The following GFRAL variants were observed in gnomAD, a reference collection of about 807,000 sequenced individuals.
GFRAL encodes GDNF family receptor alpha-like.
Under a neutral mutation model 45.4 loss-of-function variants are expected in GFRAL, and 36 were observed. That is an observed-to-expected ratio of 0.79 (90% confidence interval 0.61 to 1.05). GFRAL has a LOEUF of 1.05. Among genes scored for constraint, GFRAL ranks in the 50% least tolerant of loss-of-function variants. The pLI, the probability that GFRAL is intolerant of heterozygous loss-of-function variation, is 0.00. For synonymous variants in GFRAL, 166 were observed against 154.1 expected (o/e 1.08, Z -0.57); for missense variants, 507 against 467.5 (o/e 1.08, Z -0.78).
chr6:55,368,837 C>T (rs1232050097), intron 6 of GFRAL, among the ~76,000 whole-genome samples: 1 of 152,194 alleles, frequency 6.6e-6, no homozygotes, highest in Non-Finnish European at 1.5e-5. Flanking sequence ...AACCACTGCT[C>T]TCTTCAAAGC....
At chr6:55,365,858 T>A (rs9475265) in intron 6 of GFRAL, among the ~76,000 whole-genome samples, 98,786 of 139,344 alleles carry the variant, frequency 0.71, 35,992 homozygotes, top group African/African-American at 0.87. Context: ...TTTATTGAGG[T>A]TTTTTGCATC....
At chr6:55,357,602 T>C (rs975749456) in intron 5 of GFRAL, among the ~76,000 whole-genome samples, 1 of 151,792 alleles carries the variant, frequency 6.6e-6, no homozygotes, top group African/African-American at 2.4e-5. Flanking sequence ...ATTGGCTCGT[T>C]TTATTTTTAA....
At position 55,399,230 on chromosome 6, in the gene GFRAL, C is replaced by T. The variant is rs1041125911; in HGVS notation, c.1003C>T (p.His335Tyr). 3.7e-6 allele frequency: 6 copies of T among 1,607,598 alleles called. No individual in the cohort carries two copies. Among genetic ancestry groups the T allele is most frequent in the East Asian group, 2.2e-5 (1 of 44,632 alleles). ...AGGCATGGCATTGTATACAAGAAAA[C>T]ATGCAAACAAAATCACTTTAACTGG... ...VKGMALYTRK[H>Y]ANKITLTGFH... The change falls in exon 7 of 9, where the codon CAT (histidine) becomes TAT (tyrosine). Residue 335 changes from histidine to tyrosine, a missense_variant. Transcript: ENST00000340465.
At chr6:55,327,707 T>C (rs1767783912) in intron 1 of GFRAL, 131 bp downstream of exon 1, 1 of 787,542 alleles carries the variant, frequency 1.3e-6, no homozygotes, top group African/African-American at 1.7e-5. Context: ...AATTTATGCT[T>C]TAACATGGTT....
At chr6:55,365,312 T>A in intron 6 of GFRAL, among the ~76,000 whole-genome samples, 1 of 141,764 alleles carries the variant, frequency 7.1e-6, no homozygotes, top group South Asian at 2.3e-4. Context: ...TTTGCTGAAG[T>A]TGCTTATCAG....
intron 6 of GFRAL, among the ~76,000 whole-genome samples, chr6:55,389,911 T>C (rs374003947): frequency 3.3e-5 from 5 of 152,248 alleles, no homozygotes; most frequent in African/African-American, 1.2e-4. Context: ...GTGGAATAAT[T>C]TAAATCTCAG....
chr6:55,395,132 C>A (rs1204363872), intron 6 of GFRAL, among the ~76,000 whole-genome samples: 13 of 142,744 alleles, frequency 9.1e-5, no homozygotes, highest in African/African-American at 3.4e-4. Flanking sequence ...TTTTTCCTAA[C>A]TCTCCCCTGT....
At chr6:55,345,292 T>A (rs1768023686) in intron 3 of GFRAL, among the ~76,000 whole-genome samples, 1 of 152,140 alleles carries the variant, frequency 6.6e-6, no homozygotes, top group Non-Finnish European at 1.5e-5. Context: ...GACTTCAAAC[T>A]ATACTACAAG....
intron 3 of GFRAL, among the ~76,000 whole-genome samples, chr6:55,346,752 G>T (rs1366431633): frequency 2.1e-5 from 3 of 144,648 alleles, no homozygotes; most frequent in African/African-American, 7.7e-5. Context: ...CAAATTTCAA[G>T]ACACTGAAAT....
intron 6 of GFRAL, among the ~76,000 whole-genome samples, chr6:55,377,888 G>C (rs149292446): frequency 8.5e-5 from 13 of 152,124 alleles, no homozygotes; most frequent in African/African-American, 3.1e-4. Context: ...AAGGAGATGG[G>C]GTGTCAAGAG....
At chr6:55,368,081 A>G (rs976693166) in intron 6 of GFRAL, among the ~76,000 whole-genome samples, 3 of 149,210 alleles carry the variant, frequency 2.0e-5, no homozygotes, top group East Asian at 2.0e-4. Flanking sequence ...AGGTACACCA[A>G]TCAGATGTAG....
chr6:55,391,028 G>T (rs557281659), intron 6 of GFRAL, among the ~76,000 whole-genome samples: 1 of 151,434 alleles, frequency 6.6e-6, no homozygotes, highest in Non-Finnish European at 1.5e-5. Flanking sequence ...ATAATCTATC[G>T]CAATACCCTT....
intron 1 of GFRAL, among the ~76,000 whole-genome samples, chr6:55,330,561 T>A (rs1203594581): frequency 6.6e-6 from 1 of 152,036 alleles, no homozygotes; most frequent in Admixed American, 6.6e-5. Flanking sequence ...ACAAAAAGGG[T>A]TATTCCAGAA....
intron 1 of GFRAL, among the ~76,000 whole-genome samples, chr6:55,329,780 T>C (rs538615750): frequency 2.0e-5 from 3 of 152,100 alleles, no homozygotes; most frequent in Admixed American, 2.0e-4. Context: ...ACCCAGCAAG[T>C]AGTACACATG....
intron 3 of GFRAL, among the ~76,000 whole-genome samples, chr6:55,349,845 T>A (rs1441439255): frequency 2.0e-5 from 3 of 151,916 alleles, no homozygotes; most frequent in Non-Finnish European, 2.9e-5. Flanking sequence ...TTTATTTAAG[T>A]CTTCAAGTAA....
chr6:55,328,628 G>T (rs1554186766), intron 1 of GFRAL, among the ~76,000 whole-genome samples: 1 of 150,448 alleles, frequency 6.6e-6, no homozygotes, highest in Admixed American at 6.6e-5. Flanking sequence ...GTTCTTTTTT[G>T]TGATAAAGAG....
rs752151234 is a variant in GFRAL, at chr6:55,350,075, C to T, written c.317-17C>T. ...AAATTGTTCAATAATGAAATAATTT[C>T]TTTGTTTTCCTTCTAGATAACGTGA... On this transcript the variant is annotated splice_polypyrimidine_tract_variant and intron_variant, in intron 3 of 8. Transcript: ENST00000340465. 3 of 1,426,084 alleles carry T rather than the reference C, an allele frequency of 2.1e-6. No individual in the cohort carries two copies. The highest frequency in any genetic ancestry group is 1.7e-5 in the Admixed American group (1 of 58,590). The allele number at this position is 1,426,084 out of a possible 1,614,324, so 88.3% of individuals were successfully genotyped here. A position where few individuals can be genotyped will look rare whatever the true frequency, so the allele number is the denominator to read the frequency against.
In GFRAL at chr6:55,399,510, CAATGGCTG is replaced by C. The variant is rs1768869262; in HGVS notation, c.1121+71_1121+78del. On this transcript the variant is annotated intron_variant, in intron 8 of 8. Transcript: ENST00000340465. The stretch of plus-strand genomic sequence containing the variant: ...CTTAGCTGTGTTAAAGCATGTTGCA[CAATGGCTG>C]AGCTTACAAAGAGCCTGAGAATGAA... The C allele has an allele frequency of 5.0e-6, 5 of 1,000,202 alleles. No individual in the cohort carries two copies. In the Admixed American group the frequency reaches 8.8e-5, roughly 18 times the overall value. The allele number at this position is 1,000,202 out of a possible 1,614,324, so 62.0% of individuals were successfully genotyped here. A position where few individuals can be genotyped will look rare whatever the true frequency, so the allele number is the denominator to read the frequency against.
intron 6 of GFRAL, among the ~76,000 whole-genome samples, chr6:55,374,897 T>A (rs553483211): frequency 6.6e-6 from 1 of 152,146 alleles, no homozygotes; most frequent in Non-Finnish European, 1.5e-5. Context: ...CCCCACTGCT[T>A]GTTTTTGCTA....
Sources: gnomAD v4.1 joint callset for allele counts (sites outside exome capture counted in the v4.1 genomes callset) on GRCh38, gnomAD v4.1.1 for gene constraint, MANE v1.5 for transcripts, NCBI Gene and HGNC (gene_info 2026-07-23, HGNC 2026-07-21) for gene names.